The following CYRIB variants were observed in gnomAD, a reference collection of about 807,000 sequenced individuals.
CYRIB encodes the protein CYFIP related Rac1 interactor B.
In CYRIB, 8 loss-of-function variants were observed where a neutral mutation model predicts 44.2. The observed-to-expected ratio is 0.18, with a 90% confidence interval of 0.11 to 0.33. The LOEUF (loss-of-function observed/expected upper bound fraction) is 0.33. Among genes scored for constraint, CYRIB ranks in the 10% least tolerant of loss-of-function variants. CYRIB has a pLI of 1.00. For synonymous variants in CYRIB, 131 were observed against 127.2 expected, an observed-to-expected ratio of 1.03 and a Z score of -0.20; for missense variants, 185 against 382.8, an observed-to-expected ratio of 0.48 and a Z score of 4.31.
At chr8:130,008,701 C>T (rs1322601851) in intron 1 of CYRIB, among the ~76,000 whole-genome samples, 1 of 152,216 alleles carries the variant, frequency 6.6e-6, no homozygotes, top group Non-Finnish European at 1.5e-5. Context: ...TCAGAAAACA[C>T]AGAAATCTCC....
intron 4 of CYRIB, among the ~76,000 whole-genome samples, chr8:129,863,842 G>A (rs2051602508): frequency 6.6e-6 from 1 of 152,014 alleles, no homozygotes; most frequent in African/African-American, 2.4e-5. Context: ...AAGTTAACAT[G>A]TTCTTCAACA....
intron 2 of CYRIB, among the ~76,000 whole-genome samples, chr8:129,962,407 C>T (rs1050015122): frequency 7.9e-5 from 12 of 152,056 alleles, no homozygotes; most frequent in African/African-American, 2.9e-4. Context: ...CATACCACTG[C>T]ACACCAACCT....
intron 2 of CYRIB, among the ~76,000 whole-genome samples, chr8:129,900,080 C>T (rs1047580101): frequency 6.6e-6 from 1 of 152,182 alleles, no homozygotes; most frequent in African/African-American, 2.4e-5. Flanking sequence ...GATAGAAAAT[C>T]TGAGCCCAGA....
intron 1 of CYRIB, among the ~76,000 whole-genome samples, chr8:129,908,992 A>G (rs1425218608): frequency 6.6e-6 from 1 of 152,146 alleles, no homozygotes; most frequent in East Asian, 1.9e-4. Context: ...GAGTCTTGCT[A>G]TGTTGACCAG....
chr8:129,847,533 G>A (rs971919380), intron 10 of CYRIB, among the ~76,000 whole-genome samples: 2 of 152,142 alleles, frequency 1.3e-5, no homozygotes, highest in African/African-American at 2.4e-5. Context: ...GAACTTTCAG[G>A]TAGAGAAACC....
intron 2 of CYRIB, among the ~76,000 whole-genome samples, chr8:129,969,476 A>C (rs1288984035): frequency 6.6e-6 from 1 of 152,162 alleles, no homozygotes; most frequent in Non-Finnish European, 1.5e-5. Flanking sequence ...ATTTAATATA[A>C]CCACTTATCC....
intron 2 of CYRIB, among the ~76,000 whole-genome samples, chr8:129,951,394 A>G (rs2094494324): frequency 6.6e-6 from 1 of 152,178 alleles, no homozygotes; most frequent in Non-Finnish European, 1.5e-5. Context: ...AGGACAACAT[A>G]CAACTGAGGA....
intron 1 of CYRIB, among the ~76,000 whole-genome samples, chr8:129,909,934 CA>C (rs962413912): frequency 8.5e-5 from 13 of 152,322 alleles, no homozygotes; most frequent in African/African-American, 3.1e-4. Flanking sequence ...CCAAATTTCT[CA>C]AATGAGACTA....
chr8:130,002,288 C>T (rs141319589), intron 1 of CYRIB, among the ~76,000 whole-genome samples: 78 of 152,142 alleles, frequency 5.1e-4, no homozygotes, highest in Admixed American at 1.4e-3. Flanking sequence ...TAGGGAGACC[C>T]CATCTCTACA....
At chr8:129,885,723 A>G (rs1358683586) in intron 2 of CYRIB, among the ~76,000 whole-genome samples, 2 of 152,304 alleles carry the variant, frequency 1.3e-5, no homozygotes, top group African/African-American at 4.8e-5. Context: ...TGCTTTTAAC[A>G]TATGACCACC....
intron 7 of CYRIB, among the ~76,000 whole-genome samples, chr8:129,853,686 G>T (rs995721011): frequency 1.3e-5 from 2 of 152,198 alleles, no homozygotes; most frequent in African/African-American, 4.8e-5. Context: ...CAGCTTAAGA[G>T]GAGGATGGTA....
At position 129,852,073 on chromosome 8, in the gene CYRIB, T is replaced by C. The variant is rs572477738; in HGVS notation, c.633+89A>G. 1.7e-5 allele frequency: 12 copies of C among 721,936 alleles called. No individual in the cohort carries two copies. The South Asian group carries it at 2.5e-4, about 15-fold the overall frequency. 44.7% of individuals were successfully genotyped at this position (721,936 alleles called of 1,614,324 possible). The stretch of plus-strand genomic sequence containing the variant: ...ATCTGGGAGTCTGTTGGTTTCAAGA[T>C]GGTATTTAATGTCTTGGGCTTGCTG... On this transcript the variant is annotated intron_variant, in intron 8 of 11. Transcript: ENST00000519824.
At chr8:129,952,408 C>T (rs837227) in intron 2 of CYRIB, among the ~76,000 whole-genome samples, 115,505 of 151,954 alleles carry the variant, frequency 0.76, 44,102 homozygotes, top group East Asian at 0.98. Flanking sequence ...TGTATGTATA[C>T]AATAAATACG....
At chr8:129,951,581 C>T (rs538367166) in intron 2 of CYRIB, among the ~76,000 whole-genome samples, 28 of 151,962 alleles carry the variant, frequency 1.8e-4, no homozygotes, top group Non-Finnish European at 3.4e-4. Flanking sequence ...TGGCACGTGC[C>T]TGTAATCCCA....
rs116228333 is a variant in CYRIB, at chr8:130,000,205, G to A, written c.-296+16165C>T. On this transcript the variant is annotated intron_variant, in intron 1 of 14. Coordinates refer to the CYRIB transcript ENST00000401979. ...GTGCTGAGGAGAAGAGAGCCCAGAT[G>A]TGAGGACAAGAGAAAGGTGGGGTAA... Among the ~76,000 whole-genome samples, 1,074 of 152,294 alleles carry A rather than the reference G, an allele frequency of 7.1e-3. 18 individuals are homozygous for A. Among genetic ancestry groups the A allele is most frequent in the African/African-American group, 0.024 (1,017 of 41,554 alleles).
intron 1 of CYRIB, among the ~76,000 whole-genome samples, chr8:129,914,667 A>AT (rs2079791811): frequency 6.6e-6 from 1 of 152,240 alleles, no homozygotes; most frequent in African/African-American, 2.4e-5. Context: ...TACTAAGTAA[A>AT]TACTAGTTTT....
At chr8:129,875,110 A>G (rs1588208338) in intron 3 of CYRIB, among the ~76,000 whole-genome samples, 1 of 152,214 alleles carries the variant, frequency 6.6e-6, no homozygotes, top group Non-Finnish European at 1.5e-5. Flanking sequence ...ACTAAATACA[A>G]GTCTCTTTTC....
chr8:130,015,836 A>G (rs570744080), intron 1 of CYRIB, among the ~76,000 whole-genome samples: 1 of 152,270 alleles, frequency 6.6e-6, no homozygotes, highest in Admixed American at 6.5e-5. Flanking sequence ...GCGGGTGGCT[A>G]CCCCAGGAGG....
chr8:129,844,012 C>T (rs1176864117), intron 11 of CYRIB: 1 of 152,204 alleles, frequency 6.6e-6, no homozygotes, highest in Non-Finnish European at 1.5e-5. Flanking sequence ...TAAGTGATGT[C>T]ACAAGGATTT....
Sources: gnomAD v4.1 joint callset for allele counts (sites outside exome capture counted in the v4.1 genomes callset) on GRCh38, gnomAD v4.1.1 for gene constraint, MANE v1.5 for transcripts, NCBI Gene and HGNC (gene_info 2026-07-23, HGNC 2026-07-21) for gene names.